Variants in NELL1 observed in about 807,000 individuals in gnomAD.
NELL1 encodes the protein neural EGFL like 1.
Under a neutral mutation model 107.4 loss-of-function variants are expected in NELL1, and 76 were observed. That is an observed-to-expected ratio of 0.71 (90% CI 0.59 to 0.86). The LOEUF is 0.86. Ranked by LOEUF, NELL1 falls within the 40% of genes least tolerant of loss-of-function variation. NELL1 has a pLI of 0.00. For synonymous variants in NELL1, 353 were observed against 341.2 expected (o/e 1.03, Z -0.38); for missense variants, 1,024 against 1,005.5 (o/e 1.02, Z -0.25).
chr11:21,047,164 A>C (rs960546738), intron 12 of NELL1, among the ~76,000 whole-genome samples: 1 of 152,140 alleles, frequency 6.6e-6, no homozygotes, highest in Non-Finnish European at 1.5e-5. Flanking sequence ...TAAGTATGAG[A>C]AATGTTGCTC....
chr11:20,950,733 T>C (rs574506427), intron 11 of NELL1, among the ~76,000 whole-genome samples: 35 of 152,358 alleles, frequency 2.3e-4, no homozygotes, highest in African/African-American at 7.9e-4. Flanking sequence ...TGTGGACTGA[T>C]TGTCCACAGA....
At chr11:21,173,339 A>T (rs1392327220) in intron 13 of NELL1, among the ~76,000 whole-genome samples, 2 of 151,776 alleles carry the variant, frequency 1.3e-5, no homozygotes, top group African/African-American at 4.9e-5. Flanking sequence ...TCTAACTCCT[A>T]GTTCTCTGCT....
chr11:21,480,904 G>T (rs1016533030), intron 15 of NELL1, among the ~76,000 whole-genome samples: 2 of 152,092 alleles, frequency 1.3e-5, no homozygotes, highest in Admixed American at 6.6e-5. Flanking sequence ...TTACTGTTTT[G>T]CCTTTTATCT....
At chr11:20,727,369 T>G (rs1255996467) in intron 2 of NELL1, among the ~76,000 whole-genome samples, 10 of 152,164 alleles carry the variant, frequency 6.6e-5, no homozygotes, top group Admixed American at 3.9e-4. Context: ...ATTTTTTCAT[T>G]TATCTGTTGG....
intron 3 of NELL1, among the ~76,000 whole-genome samples, chr11:20,846,224 G>T (rs1418851821): frequency 6.6e-6 from 1 of 152,116 alleles, no homozygotes; most frequent in East Asian, 1.9e-4. Flanking sequence ...GGCTGGTCTT[G>T]ACTCTCTGCT....
At chr11:21,027,470 A>ATT (rs1852843285) in intron 12 of NELL1, among the ~76,000 whole-genome samples, 1 of 151,188 alleles carries the variant, frequency 6.6e-6, no homozygotes. Context: ...TGCCAGAATA[A>ATT]ACAAATCCAT....
At chr11:20,820,032 A>G (rs758576561) in intron 3 of NELL1, among the ~76,000 whole-genome samples, 14 of 152,190 alleles carry the variant, frequency 9.2e-5, no homozygotes, top group Non-Finnish European at 1.6e-4. Flanking sequence ...CTGTAGTGAC[A>G]ATGGAACTTG....
intron 2 of NELL1, among the ~76,000 whole-genome samples, chr11:20,783,072 C>A (rs992412273): frequency 1.3e-5 from 2 of 152,116 alleles, no homozygotes; most frequent in East Asian, 3.8e-4. Context: ...CATGAGCATG[C>A]CTTGTATTTA....
At chr11:21,062,648 C>T (rs796579268) in intron 12 of NELL1, among the ~76,000 whole-genome samples, 7 of 152,260 alleles carry the variant, frequency 4.6e-5, no homozygotes, top group African/African-American at 1.7e-4. Flanking sequence ...ATTGATCCTA[C>T]AAGCTAAAGG....
chr11:21,544,282 G>A (rs1388825483), intron 16 of NELL1, among the ~76,000 whole-genome samples: 1 of 152,052 alleles, frequency 6.6e-6, no homozygotes, highest in East Asian at 1.9e-4. Flanking sequence ...ACTAAGCTAG[G>A]TGGTAGGTAG....
At chr11:21,087,119 G>T (rs191000921) in intron 12 of NELL1, among the ~76,000 whole-genome samples, 1 of 152,168 alleles carries the variant, frequency 6.6e-6, no homozygotes, top group Non-Finnish European at 1.5e-5. Flanking sequence ...GATTACAGGC[G>T]TAAGGCGCCA....
chr11:20,778,438 GA>G (rs1349968952), intron 2 of NELL1, among the ~76,000 whole-genome samples: 1 of 148,394 alleles, frequency 6.7e-6, no homozygotes, highest in Non-Finnish European at 1.5e-5. Flanking sequence ...AGGCAGAGAA[GA>G]GTGTGTGTTT....
chr11:21,292,459 C>T (rs886760601), intron 14 of NELL1, among the ~76,000 whole-genome samples: 1 of 152,134 alleles, frequency 6.6e-6, no homozygotes, highest in Non-Finnish European at 1.5e-5. Flanking sequence ...ACATTCCATG[C>T]TCATGGATAG....
chr11:21,319,000 T>A (rs552670690), intron 14 of NELL1, among the ~76,000 whole-genome samples: 1 of 152,058 alleles, frequency 6.6e-6, no homozygotes, highest in African/African-American at 2.4e-5. Flanking sequence ...GTAATACTTG[T>A]AATGAGCTTG....
chr11:21,133,042 A>G (rs1456891077), intron 13 of NELL1, among the ~76,000 whole-genome samples: 6 of 152,096 alleles, frequency 3.9e-5, no homozygotes, highest in Non-Finnish European at 8.8e-5. Flanking sequence ...GAGGAGACCC[A>G]TAGTGCGGGT....
intron 5 of NELL1, among the ~76,000 whole-genome samples, chr11:20,904,977 T>A (rs1169889750): frequency 6.6e-6 from 1 of 151,684 alleles, no homozygotes; most frequent in Non-Finnish European, 1.5e-5. Flanking sequence ...TACAGGCACA[T>A]GTGACCATGC....
chr11:21,502,143 A>T (rs538206505), intron 15 of NELL1, among the ~76,000 whole-genome samples: 1 of 152,332 alleles, frequency 6.6e-6, no homozygotes, highest in East Asian at 1.9e-4. Context: ...TAATGGAGGT[A>T]AAAGATTGTA....
At chr11:21,147,315 TG>T (rs1856003626) in intron 13 of NELL1, among the ~76,000 whole-genome samples, 1 of 152,188 alleles carries the variant, frequency 6.6e-6, no homozygotes, top group African/African-American at 2.4e-5. Context: ...AATCTCTCTG[TG>T]GGAGATGTAA....
At chr11:21,171,516 G>C (rs896262040) in intron 13 of NELL1, among the ~76,000 whole-genome samples, 2 of 151,628 alleles carry the variant, frequency 1.3e-5, no homozygotes, top group African/African-American at 4.9e-5. Flanking sequence ...TATGTTATTA[G>C]CATTTTAATA....
Sources: gnomAD v4.1 joint callset for allele counts (sites outside exome capture counted in the v4.1 genomes callset) on GRCh38, gnomAD v4.1.1 for gene constraint, MANE v1.5 for transcripts, NCBI Gene and HGNC (gene_info 2026-07-23, HGNC 2026-07-21) for gene names.